Variants in PTPRD observed in about 807,000 individuals in gnomAD.
PTPRD encodes the protein protein tyrosine phosphatase receptor type D.
Under a neutral mutation model 214.5 loss-of-function variants are expected in PTPRD, and 34 were observed. That is an observed-to-expected ratio of 0.16 (90% CI 0.12 to 0.21). The LOEUF (loss-of-function observed/expected upper bound fraction) is 0.21, where lower values mean the gene tolerates loss of function less well. Ranked by LOEUF, PTPRD falls within the 10% of genes least tolerant of loss-of-function variation. The pLI is 1.00. For missense variants in PTPRD, 2,545 were observed against 2,398.7 expected, an observed-to-expected ratio of 1.06 and a Z score of -1.27; for synonymous variants, 1,128 against 845.7, an observed-to-expected ratio of 1.33 and a Z score of -5.79.
intron 3 of PTPRD, among the ~76,000 whole-genome samples, chr9:10,103,679 T>C (rs2098594228): frequency 6.6e-6 from 1 of 151,500 alleles, no homozygotes; most frequent in Non-Finnish European, 1.5e-5. Flanking sequence ...CACTGAGTTC[T>C]ATTAGATATT....
intron 3 of PTPRD, among the ~76,000 whole-genome samples, chr9:10,121,619 TCTG>T (rs1020149010): frequency 6.6e-6 from 1 of 152,224 alleles, no homozygotes; most frequent in Admixed American, 6.5e-5. Context: ...TAATTCTTGC[TCTG>T]CTGCTGTTGT....
At chr9:10,267,315 C>G (rs541046764) in intron 3 of PTPRD, among the ~76,000 whole-genome samples, 1 of 151,928 alleles carries the variant, frequency 6.6e-6, no homozygotes, top group Non-Finnish European at 1.5e-5. Context: ...ATTATAGGCA[C>G]TTAGTATCTC....
At chr9:8,934,436 A>ATAT (rs2098976804) in intron 11 of PTPRD, among the ~76,000 whole-genome samples, 1 of 30,332 alleles carries the variant, frequency 3.3e-5, no homozygotes, top group Non-Finnish European at 6.1e-5. Context: ...TATATATATA[A>ATAT]ATATATATAT....
intron 10 of PTPRD, among the ~76,000 whole-genome samples, chr9:9,045,923 T>C (rs965922837): frequency 6.6e-6 from 1 of 152,162 alleles, no homozygotes; most frequent in Non-Finnish European, 1.5e-5. Context: ...TGCTGAACAC[T>C]CTGCTGAGAT....
intron 33 of PTPRD, chr9:8,451,772 G>A (rs980979397): frequency 7.8e-6 from 3 of 384,050 alleles, no homozygotes; most frequent in Non-Finnish European, 1.5e-5. Context: ...CTTTACTAAT[G>A]TGTCAGGCCC....
At chr9:9,185,949 C>A (rs925636271) in intron 9 of PTPRD, among the ~76,000 whole-genome samples, 1 of 150,626 alleles carries the variant, frequency 6.6e-6, no homozygotes, top group East Asian at 2.0e-4. Context: ...AGTTATCTGT[C>A]GATCTGGTAG....
chr9:9,406,986 A>C (rs1450348669), intron 8 of PTPRD, among the ~76,000 whole-genome samples: 1 of 151,718 alleles, frequency 6.6e-6, no homozygotes, highest in Non-Finnish European at 1.5e-5. Context: ...GCATTGTGAA[A>C]ATTAGTAAAT....
intron 8 of PTPRD, among the ~76,000 whole-genome samples, chr9:9,480,541 A>G (rs976581309): frequency 6.6e-6 from 1 of 151,578 alleles, no homozygotes; most frequent in Non-Finnish European, 1.5e-5. Context: ...AGCAATATTT[A>G]AAAAAAATGT....
chr9:9,183,512 T>C (rs1424246543), intron 9 of PTPRD, 149 bp from the exon 10 acceptor site: 1 of 152,078 alleles, frequency 6.6e-6, no homozygotes, highest in East Asian at 1.9e-4. Context: ...CTAGTATCAA[T>C]TTTATGAAAT....
chr9:9,578,037 C>G (rs2089524136), intron 7 of PTPRD, among the ~76,000 whole-genome samples: 1 of 90,826 alleles, frequency 1.1e-5, no homozygotes, highest in African/African-American at 4.6e-5. Flanking sequence ...CAGAGTAAGA[C>G]TCTGTCTCAA....
intron 10 of PTPRD, among the ~76,000 whole-genome samples, chr9:9,156,845 C>T (rs371178083): frequency 6.6e-6 from 1 of 152,158 alleles, no homozygotes; most frequent in Admixed American, 6.6e-5. Context: ...TGTTACTCAT[C>T]GTTTCTATTC....
intron 19 of PTPRD, among the ~76,000 whole-genome samples, chr9:8,523,153 G>C (rs1018800307): frequency 6.6e-6 from 1 of 152,122 alleles, no homozygotes; most frequent in Non-Finnish European, 1.5e-5. Context: ...GATTAGGGGA[G>C]AAACTAGAAA....
chr9:10,186,014 T>C (rs543416866), intron 3 of PTPRD, among the ~76,000 whole-genome samples: 3 of 152,198 alleles, frequency 2.0e-5, no homozygotes, highest in Admixed American at 1.3e-4. Flanking sequence ...GTTTGAGAGG[T>C]AGTATTGACA....
At chr9:8,363,198 A>G (rs2133978476) in intron 39 of PTPRD, among the ~76,000 whole-genome samples, 1 of 152,334 alleles carries the variant, frequency 6.6e-6, no homozygotes, top group African/African-American at 2.4e-5. Flanking sequence ...TGCATCTTAT[A>G]TACATTTATC....
intron 4 of PTPRD, among the ~76,000 whole-genome samples, chr9:9,961,749 T>C (rs59499138): frequency 6.6e-6 from 1 of 152,230 alleles, no homozygotes; most frequent in African/African-American, 2.4e-5. Context: ...TGTAATACGG[T>C]GCTTGGCAAA....
chr9:9,477,999 C>G (rs1157685301), intron 8 of PTPRD, among the ~76,000 whole-genome samples: 1 of 152,296 alleles, frequency 6.6e-6, no homozygotes, highest in East Asian at 1.9e-4. Flanking sequence ...AATTTAATAA[C>G]AGTAATGAAA....
At chr9:8,873,168 A>T (rs1279698595) in intron 11 of PTPRD, among the ~76,000 whole-genome samples, 1 of 152,138 alleles carries the variant, frequency 6.6e-6, no homozygotes, top group Non-Finnish European at 1.5e-5. Flanking sequence ...ACTATGTCTT[A>T]TTCATCTTAC....
chr9:8,953,223 A>T (rs1344760722), intron 11 of PTPRD, among the ~76,000 whole-genome samples: 2 of 151,918 alleles, frequency 1.3e-5, no homozygotes, highest in African/African-American at 2.4e-5. Flanking sequence ...GGTATATCCC[A>T]GGAGAAGGGT....
chr9:10,351,797 GA>G (rs1206899286), intron 2 of PTPRD, among the ~76,000 whole-genome samples: 5 of 151,842 alleles, frequency 3.3e-5, no homozygotes, highest in Non-Finnish European at 4.4e-5. Flanking sequence ...GAAAACGCAG[GA>G]AAATGTAGAG....
Sources: gnomAD v4.1 joint callset for allele counts (sites outside exome capture counted in the v4.1 genomes callset) on GRCh38, gnomAD v4.1.1 for gene constraint, MANE v1.5 for transcripts, NCBI Gene and HGNC (gene_info 2026-07-23, HGNC 2026-07-21) for gene names.